Variants in FRS2 observed in about 807,000 individuals in gnomAD.
FRS2 encodes fibroblast growth factor receptor substrate 2.
Under a neutral mutation model 43.9 loss-of-function variants are expected in FRS2, and 8 were observed. The ratio of observed to expected loss-of-function variants is 0.18; its 90% CI spans 0.11 to 0.33. The LOEUF is 0.33. FRS2 is among the 10% of genes least tolerant of loss of function. FRS2 has a pLI of 1.00. For missense variants in FRS2, 534 were observed against 627.6 expected, an observed-to-expected ratio of 0.85 and a Z score of 1.59; for synonymous variants, 219 against 220.3, an observed-to-expected ratio of 0.99 and a Z score of 0.05.
chr12:69,517,210 C>G, intron 1 of FRS2, among the ~76,000 whole-genome samples: 1 of 152,174 alleles, frequency 6.6e-6, no homozygotes. Context: ...ATAGCAACAC[C>G]TTTGCTTTCT....
intron 1 of FRS2, among the ~76,000 whole-genome samples, chr12:69,482,720 G>A (rs1440023459): frequency 6.6e-6 from 1 of 152,210 alleles, no homozygotes; most frequent in East Asian, 1.9e-4. Context: ...TTTCTGGCAA[G>A]GAAGAAAGTT....
At chr12:69,515,761 A>G (rs1016449244) in intron 1 of FRS2, among the ~76,000 whole-genome samples, 2 of 149,846 alleles carry the variant, frequency 1.3e-5, no homozygotes, top group Non-Finnish European at 3.0e-5. Context: ...CAGGAAAGTC[A>G]TTGAGGTCTT....
At chr12:69,535,314 G>A (rs1232506915) in intron 3 of FRS2, among the ~76,000 whole-genome samples, 2 of 152,162 alleles carry the variant, frequency 1.3e-5, no homozygotes, top group Non-Finnish European at 2.9e-5. Context: ...CGTTGATGTA[G>A]ATACTTAAAT....
intron 3 of FRS2, among the ~76,000 whole-genome samples, chr12:69,556,412 A>T (rs1187780366): frequency 3.3e-5 from 5 of 151,372 alleles, no homozygotes; most frequent in African/African-American, 1.2e-4. Flanking sequence ...AGCTCACTGC[A>T]GCCTCCACCT....
At position 69,567,924 on chromosome 12, in the gene FRS2, TAAACTG is replaced by T. The variant is rs1304214375; in HGVS notation, c.-26-1078_-26-1073del. 3.3e-5 allele frequency among the ~76,000 whole-genome samples: 5 copies of T among 152,348 alleles called. No individual in the cohort carries two copies. The South Asian group carries it at 1.0e-3, about 32-fold the overall frequency. ...TATCATACTGAAGAGTTTATACTGT[TAAACTG>T]AAGATAGTGGAGAGCCACTGAATAA... On this transcript the variant is annotated intron_variant, in intron 4 of 8. Coordinates refer to ENST00000549921, the MANE Select transcript of FRS2 (RefSeq NM_001278356.2).
At chr12:69,480,248 C>T (rs1302919460) in intron 1 of FRS2, 1 of 152,144 alleles carries the variant, frequency 6.6e-6, no homozygotes, top group Non-Finnish European at 1.5e-5. Flanking sequence ...TCATCGTGAA[C>T]CAAAACTTGT....
chr12:69,524,298 G>A (rs1875985404), intron 1 of FRS2, among the ~76,000 whole-genome samples: 1 of 152,122 alleles, frequency 6.6e-6, no homozygotes. Flanking sequence ...TGGCTGGGAA[G>A]GGAAGACAAG....
At chr12:69,517,111 T>C (rs980636883) in intron 1 of FRS2, among the ~76,000 whole-genome samples, 6 of 152,110 alleles carry the variant, frequency 3.9e-5, no homozygotes, top group African/African-American at 1.4e-4. Flanking sequence ...AAAAAGACCC[T>C]CCCAGCCCTC....
chr12:69,547,830 C>CTTTTTTTT (rs71094722), intron 3 of FRS2, among the ~76,000 whole-genome samples: 15 of 102,756 alleles, frequency 1.5e-4, no homozygotes, highest in African/African-American at 4.0e-4. Flanking sequence ...TCCATTAATA[C>CTTTTTTTT]TTTTTTTTTT....
At chr12:69,489,055 G>A (rs1029472935) in intron 1 of FRS2, among the ~76,000 whole-genome samples, 1 of 152,112 alleles carries the variant, frequency 6.6e-6, no homozygotes, top group Non-Finnish European at 1.5e-5. Context: ...CCATTTTATA[G>A]ATGAAAAAAC....
intron 3 of FRS2, among the ~76,000 whole-genome samples, chr12:69,556,050 G>GC (rs1397811549): frequency 6.7e-6 from 1 of 150,262 alleles, no homozygotes; most frequent in East Asian, 2.0e-4. Flanking sequence ...CATTTCATGT[G>GC]CACATAGTCA....
chr12:69,482,901 G>T (rs1871468926), intron 1 of FRS2, among the ~76,000 whole-genome samples: 1 of 152,062 alleles, frequency 6.6e-6, no homozygotes, highest in Non-Finnish European at 1.5e-5. Flanking sequence ...CCTTCTGTGG[G>T]GTTTTGTGAA....
At chr12:69,481,250 A>G (rs957013504) in intron 1 of FRS2, among the ~76,000 whole-genome samples, 2 of 151,606 alleles carry the variant, frequency 1.3e-5, no homozygotes, top group African/African-American at 2.4e-5. Flanking sequence ...TAAGATAATC[A>G]CAGTACCATC....
chr12:69,530,656 T>A (rs1426839513), intron 1 of FRS2, among the ~76,000 whole-genome samples: 5 of 152,076 alleles, frequency 3.3e-5, no homozygotes, highest in Non-Finnish European at 7.4e-5. Context: ...GGTGGGAGGA[T>A]CGCCTGAGCC....
intron 4 of FRS2, among the ~76,000 whole-genome samples, chr12:69,565,257 A>G (rs1178248502): frequency 1.3e-5 from 2 of 152,244 alleles, no homozygotes; most frequent in Non-Finnish European, 2.9e-5. Flanking sequence ...GTACACTTGT[A>G]TAAGGCACTT....
intron 3 of FRS2, among the ~76,000 whole-genome samples, chr12:69,555,458 G>C (rs1021046433): frequency 1.3e-5 from 2 of 152,148 alleles, no homozygotes; most frequent in Non-Finnish European, 2.9e-5. Flanking sequence ...GGATAGATGT[G>C]CTCGGATGCA....
chr12:69,506,879 A>G (rs1435421964), intron 1 of FRS2, among the ~76,000 whole-genome samples: 1 of 152,194 alleles, frequency 6.6e-6, no homozygotes, highest in East Asian at 1.9e-4. Flanking sequence ...TGCCCTCATG[A>G]ATAGATTAAT....
intron 1 of FRS2, among the ~76,000 whole-genome samples, chr12:69,529,057 C>T (rs539339): frequency 0.79 from 119,508 of 152,042 alleles, 47,961 homozygotes; most frequent in African/African-American, 0.94. Context: ...TGTAAGGAGT[C>T]TGGCTTTTAG....
intron 4 of FRS2, among the ~76,000 whole-genome samples, chr12:69,568,747 A>G (rs1880505664): frequency 6.6e-6 from 1 of 152,164 alleles, no homozygotes; most frequent in Non-Finnish European, 1.5e-5. Context: ...ATGATTTTAG[A>G]ATAGGTGACC....
Sources: allele counts gnomAD v4.1 joint callset (sites outside exome capture counted in the v4.1 genomes callset), GRCh38; gene constraint gnomAD v4.1.1; transcripts MANE v1.5; gene names NCBI Gene and HGNC (gene_info 2026-07-23, HGNC 2026-07-21).